PPHLN1: variants seen among roughly 807,000 people sequenced by gnomAD.
PPHLN1 encodes the protein periphilin 1.
In PPHLN1, 29 loss-of-function variants were observed where a neutral mutation model predicts 51.3. The observed-to-expected ratio is 0.57, with a 90% CI of 0.42 to 0.77. PPHLN1 has a LOEUF of 0.77. Ranked by LOEUF, PPHLN1 falls within the 30% of genes least tolerant of loss-of-function variation. The pLI is 0.00. For missense variants in PPHLN1, 436 were observed against 438.4 expected (o/e 0.99, Z 0.05); for synonymous variants, 147 against 147.8 (o/e 0.99, Z 0.04).
At chr12:42,360,827 T>C (rs1565822657) in intron 4 of PPHLN1, among the ~76,000 whole-genome samples, 1 of 152,036 alleles carries the variant, frequency 6.6e-6, no homozygotes, top group African/African-American at 2.4e-5. Flanking sequence ...GCTGCACATG[T>C]TGTTTGTGTC....
intron 9 of PPHLN1, among the ~76,000 whole-genome samples, chr12:42,439,189 C>T (rs920795127): frequency 2.0e-4 from 31 of 152,094 alleles, no homozygotes; most frequent in African/African-American, 6.5e-4. Flanking sequence ...TTTAGGTCTG[C>T]GATCCATTTT....
intron 2 of PPHLN1, among the ~76,000 whole-genome samples, chr12:42,349,521 G>A (rs1362929624): frequency 6.6e-6 from 1 of 152,038 alleles, no homozygotes; most frequent in Non-Finnish European, 1.5e-5. Flanking sequence ...TGTGAACAAA[G>A]GTCTCTGGTT....
At chr12:42,400,205 A>C (rs1327911395) in intron 9 of PPHLN1, 1 of 151,886 alleles carries the variant, frequency 6.6e-6, no homozygotes, top group Non-Finnish European at 1.5e-5. Flanking sequence ...GCGGTGGCTC[A>C]CGCCTGTAAT....
At chr12:42,374,689 C>G (rs544603558) in intron 4 of PPHLN1, 174 bp from the exon 5 acceptor site, 1 of 487,362 alleles carries the variant, frequency 2.1e-6, no homozygotes, top group Admixed American at 3.6e-5. Context: ...CTCCTGACCT[C>G]GTGATCTGCC....
intron 9 of PPHLN1, among the ~76,000 whole-genome samples, chr12:42,422,749 A>G (rs192908090): frequency 1.3e-5 from 2 of 152,274 alleles, no homozygotes; most frequent in East Asian, 1.9e-4. Context: ...TAACACTACC[A>G]TTTTTGCCCT....
rs569985537 is a variant in PPHLN1 at position 42,427,606 on chromosome 12, A to G, written c.910-13709A>G. On this transcript the variant is annotated intron_variant, in intron 9 of 9. Coordinates refer to ENST00000358314, the MANE Select transcript of PPHLN1 (RefSeq NM_201439.2). Reference sequence around the variant, plus strand: ...TCCCACCTTATACAAAAATCAACTCAAGATGGATTAAGGACTTACTTACAT... The same window carrying G: ...TCCCACCTTATACAAAAATCAACTCGAGATGGATTAAGGACTTACTTACAT... Among the ~76,000 whole-genome samples the G allele has an allele frequency of 1.6e-3, 250 of 152,334 alleles. 1 individual carries two copies. The highest frequency in any genetic ancestry group is 5.6e-3 in the Admixed American group (85 of 15,298).
chr12:42,431,952 A>G (rs1208507805), intron 9 of PPHLN1: 21 of 1,490,168 alleles, frequency 1.4e-5, no homozygotes, highest in Non-Finnish European at 1.7e-5. Context: ...TACTGTGATG[A>G]GATTTGCTGG....
chr12:42,350,067 G>A (rs566711722), intron 2 of PPHLN1: 1 of 145,144 alleles, frequency 6.9e-6, no homozygotes, highest in South Asian at 2.2e-4. Context: ...GCTGCCGGGC[G>A]GGGGCGCCCC....
At chr12:42,423,099 G>A (rs986661440) in intron 9 of PPHLN1, among the ~76,000 whole-genome samples, 1 of 152,092 alleles carries the variant, frequency 6.6e-6, no homozygotes, top group Non-Finnish European at 1.5e-5. Flanking sequence ...ATTCTTGGAA[G>A]GAACTTAATA....
chr12:42,411,429 C>T (rs61926590), intron 9 of PPHLN1, among the ~76,000 whole-genome samples: 10 of 113,238 alleles, frequency 8.8e-5, no homozygotes, highest in Admixed American at 4.8e-4. Flanking sequence ...TGCTTGAGAC[C>T]GTCATTACAG....
intron 8 of PPHLN1, among the ~76,000 whole-genome samples, chr12:42,398,294 G>A (rs1352456239): frequency 6.6e-6 from 1 of 152,070 alleles, no homozygotes; most frequent in Non-Finnish European, 1.5e-5. Flanking sequence ...TTAGGCTACA[G>A]GAGCAAGGTG....
At chr12:42,367,207 A>G (rs1259438923) in intron 4 of PPHLN1, among the ~76,000 whole-genome samples, 1 of 152,212 alleles carries the variant, frequency 6.6e-6, no homozygotes, top group Non-Finnish European at 1.5e-5. Flanking sequence ...CTTGATGTTT[A>G]TTACTGTTTA....
intron 2 of PPHLN1, among the ~76,000 whole-genome samples, chr12:42,339,833 T>C (rs933717042): frequency 4.7e-5 from 7 of 149,682 alleles, no homozygotes; most frequent in Admixed American, 6.8e-5. Flanking sequence ...AAATTATCTG[T>C]GATCTCTTTT....
At chr12:42,436,592 TTCTTA>T (rs2082506693) in intron 9 of PPHLN1, among the ~76,000 whole-genome samples, 1 of 152,210 alleles carries the variant, frequency 6.6e-6, no homozygotes, top group Admixed American at 6.5e-5. Context: ...CATCTACTGC[TTCTTA>T]ATTATAATAT....
At chr12:42,326,362 A>T (rs957522674) in intron 1 of PPHLN1, 133 bp downstream of exon 1, 2 of 152,160 alleles carry the variant, frequency 1.3e-5, no homozygotes, top group African/African-American at 4.8e-5. Context: ...AATTCTGCCC[A>T]TGCGGTTGAG....
In PPHLN1 at chr12:42,398,913, A is replaced by C. The variant is rs752139445; in HGVS notation, c.828A>C (p.Thr276=). The change falls in exon 9 of 10, where the codon ACA becomes ACC. Residue 276 remains threonine (T), a synonymous_variant. Transcript: ENST00000358314. ...CAGAGGAACCTGAGTCAAACACAAC[A>C]CATGGGATAGAATTATTTGAAGATA... ...DQPEEPESNT[T]HGIELFEDSQ... The C allele has an allele frequency of 1.2e-6, 2 of 1,614,176 alleles. No homozygotes were observed. The highest frequency in any genetic ancestry group is 8.5e-7 in the Non-Finnish European group (1 of 1,179,996).
downstream of PPHLN1, chr12:42,442,636 G>T (rs1244423370): frequency 6.2e-7 from 1 of 1,613,796 alleles, no homozygotes; most frequent in South Asian, 1.1e-5. Flanking sequence ...CGGTCGCTCG[G>T]CCAGAGTCTG....
chr12:42,398,415 A>T (rs560652060), intron 8 of PPHLN1: 2 of 152,768 alleles, frequency 1.3e-5, no homozygotes, highest in African/African-American at 4.8e-5. Flanking sequence ...AGTATTTCGT[A>T]AACTGATCAC....
At chr12:42,446,541 G>T (rs758902311), downstream of PPHLN1, 4 of 1,596,930 alleles carry the variant, frequency 2.5e-6, no homozygotes, top group African/African-American at 5.4e-5. Context: ...AGTTAGAAAA[G>T]AATATTACTA....
Sources: gnomAD v4.1 joint callset for allele counts (sites outside exome capture counted in the v4.1 genomes callset) on GRCh38, gnomAD v4.1.1 for gene constraint, MANE v1.5 for transcripts, NCBI Gene and HGNC (gene_info 2026-07-23, HGNC 2026-07-21) for gene names.